XRRA1: variants seen among roughly 807,000 people sequenced by gnomAD.
XRRA1 encodes the protein X-ray radiation resistance associated 1.
A neutral mutation model predicts 80.2 loss-of-function variants in XRRA1; 69 were observed. The observed-to-expected ratio is 0.86, with a 90% CI of 0.71 to 1.05. The LOEUF is 1.05. Among genes scored for constraint, XRRA1 ranks in the 50% least tolerant of loss-of-function variants. The probability of loss-of-function intolerance (pLI) is 0.00; values close to 1 mark genes in which losing one functional copy is unlikely to be tolerated. For synonymous variants in XRRA1, 348 were observed against 389.9 expected (o/e 0.89, Z 1.27); for missense variants, 967 against 976.4 (o/e 0.99, Z 0.13).
At chr11:74,862,463 G>A (rs975264811) in intron 11 of XRRA1, among the ~76,000 whole-genome samples, 1 of 152,156 alleles carries the variant, frequency 6.6e-6, no homozygotes, top group Non-Finnish European at 1.5e-5. Context: ...TCAATATTTG[G>A]TTTACATGTA....
At chr11:74,923,216 G>A (rs1410778690) in intron 7 of XRRA1, among the ~76,000 whole-genome samples, 4 of 152,314 alleles carry the variant, frequency 2.6e-5, no homozygotes, top group South Asian at 2.1e-4. Flanking sequence ...TAGAAGCCAG[G>A]AGGCAGGAGG....
intron 10 of XRRA1, among the ~76,000 whole-genome samples, chr11:74,894,886 C>A (rs2051853937): frequency 6.6e-6 from 1 of 152,000 alleles, no homozygotes; most frequent in East Asian, 1.9e-4. Context: ...TATGAAATAC[C>A]AATTCATAGA....
intron 10 of XRRA1, among the ~76,000 whole-genome samples, chr11:74,904,963 A>C (rs2054280588): frequency 6.6e-6 from 1 of 152,020 alleles, no homozygotes; most frequent in South Asian, 2.1e-4. Context: ...GACAGACTTT[A>C]ATATACCTAT....
intron 16 of XRRA1, 36 bp from the exon 17 acceptor site, chr11:74,844,319 C>T (rs1358534803): frequency 1.3e-6 from 2 of 1,503,946 alleles, no homozygotes; most frequent in African/African-American, 1.4e-5. Context: ...CAAGGCACTT[C>T]CCCCTCCTCC....
chr11:74,906,137 T>C (rs1034044161), intron 10 of XRRA1, 102 bp downstream of exon 10: 3 of 1,092,010 alleles, frequency 2.7e-6, no homozygotes, highest in East Asian at 2.6e-5. Flanking sequence ...GCAAATTCAA[T>C]TCGTGATATT....
At chr11:74,859,371 G>A (rs2041844683) in intron 11 of XRRA1, 88 bp from the exon 12 acceptor site, 1 of 1,410,352 alleles carries the variant, frequency 7.1e-7, no homozygotes, top group South Asian at 1.3e-5. Flanking sequence ...GGAACAGGGT[G>A]GAATGAATGA....
At chr11:74,935,094 G>A (rs1278955179) in intron 4 of XRRA1, among the ~76,000 whole-genome samples, 6 of 152,196 alleles carry the variant, frequency 3.9e-5, no homozygotes, top group Admixed American at 3.9e-4. Context: ...TGACTGTTCG[G>A]GCATGTTATA....
At chr11:74,862,081 C>T (rs535853191) in intron 11 of XRRA1, among the ~76,000 whole-genome samples, 34 of 152,244 alleles carry the variant, frequency 2.2e-4, no homozygotes, top group South Asian at 8.3e-4. Flanking sequence ...CTTTTTAATT[C>T]GCCCTTGCTC....
At chr11:74,861,813 G>A (rs767528692) in intron 11 of XRRA1, among the ~76,000 whole-genome samples, 2 of 152,134 alleles carry the variant, frequency 1.3e-5, no homozygotes, top group Non-Finnish European at 2.9e-5. Flanking sequence ...CTGAACCTGA[G>A]TGGGTTGTGG....
intron 15 of XRRA1, among the ~76,000 whole-genome samples, chr11:74,847,105 TA>T (rs1389601165): frequency 6.6e-6 from 1 of 152,202 alleles, no homozygotes; most frequent in African/African-American, 2.4e-5. Flanking sequence ...TCTTTTCATC[TA>T]ACTCTCTCAA....
At chr11:74,894,850 AAAG>A (rs1172079322) in intron 10 of XRRA1, among the ~76,000 whole-genome samples, 1 of 152,234 alleles carries the variant, frequency 6.6e-6, no homozygotes, top group African/African-American at 2.4e-5. Context: ...GGTAGTAATA[AAAG>A]AAGATATAAA....
chr11:74,848,383 G>GA lies in XRRA1; in HGVS notation c.1459dup (p.Ser487PhefsTer13), dbSNP rs758100991. ...TGCCTCTGGCTCTAGCATATCCTTTGAGGGAGACTTGGTTGTCGTCATGCG... is the reference window on the plus strand; with the variant it reads ...TGCCTCTGGCTCTAGCATATCCTTTGAAGGGAGACTTGGTTGTCGTCATGCG... On this transcript the variant is annotated frameshift_variant, in exon 15 of 19. Coordinates refer to ENST00000684022, the MANE Select transcript of XRRA1 (RefSeq NM_001378157.1). LOFTEE classifies it high-confidence loss of function. 1.9e-5 allele frequency: 30 copies of GA among 1,613,850 alleles called. No individual in the cohort carries two copies. The highest frequency in any genetic ancestry group is 2.5e-5 in the Non-Finnish European group (29 of 1,179,880).
intron 4 of XRRA1, among the ~76,000 whole-genome samples, chr11:74,934,247 ACT>A (rs1414548766): frequency 2.6e-5 from 4 of 152,168 alleles, no homozygotes; most frequent in African/African-American, 9.7e-5. Context: ...TAATCACTAG[ACT>A]CTATGCACTT....
At chr11:74,919,455 A>T in intron 8 of XRRA1, 1 of 194,680 alleles carries the variant, frequency 5.1e-6, no homozygotes, top group Non-Finnish European at 1.1e-5. Flanking sequence ...GAATTAATAA[A>T]TGAATAAACC....
chr11:74,884,736 C>T (rs901403862), intron 10 of XRRA1, among the ~76,000 whole-genome samples: 2 of 152,154 alleles, frequency 1.3e-5, no homozygotes, highest in African/African-American at 4.8e-5. Flanking sequence ...CCCTAGACAA[C>T]AGGGCTGCTT....
intron 10 of XRRA1, among the ~76,000 whole-genome samples, chr11:74,869,819 T>C (rs2044347863): frequency 6.6e-6 from 1 of 152,188 alleles, no homozygotes; most frequent in South Asian, 2.1e-4. Context: ...TAACCACAGA[T>C]CTGACAAGCC....
rs1377506985 is a variant in XRRA1 at position 74,843,879 on chromosome 11, G to C, written c.2124C>G (p.Pro708=). 1.2e-6 allele frequency: 2 copies of C among 1,612,118 alleles called. No individual in the cohort carries two copies. Among genetic ancestry groups the C allele is most frequent in the East Asian group, 4.5e-5 (2 of 44,824 alleles). ...CTAGTGGAGCCTCTGTAATGTTCCG[G>C]GGATCCCGCAAGCGAATGAAGATGT... The part of the protein sequence containing the change: ...LDDIFIRLRD[P]RNITEAPLGA... Residue 708 remains proline, a synonymous_variant, in exon 18 of 19, where the codon CCC becomes CCG. Coordinates refer to ENST00000684022, the MANE Select transcript of XRRA1 (RefSeq NM_001378157.1).
At chr11:74,893,726 T>C (rs563450600) in intron 10 of XRRA1, among the ~76,000 whole-genome samples, 11 of 152,240 alleles carry the variant, frequency 7.2e-5, no homozygotes, top group African/African-American at 2.4e-4. Context: ...ATTACTATTA[T>C]GAAAATGTCA....
intron 10 of XRRA1, among the ~76,000 whole-genome samples, chr11:74,897,074 A>T (rs1272419184): frequency 1.3e-5 from 2 of 152,162 alleles, no homozygotes; most frequent in African/African-American, 4.8e-5. Context: ...GACCTTTCAG[A>T]CAGAGAATTC....
Sources: allele counts gnomAD v4.1 joint callset (sites outside exome capture counted in the v4.1 genomes callset), GRCh38; gene constraint gnomAD v4.1.1; transcripts MANE v1.5; gene names NCBI Gene and HGNC (gene_info 2026-07-23, HGNC 2026-07-21).